Variants in FBXO38 observed in about 807,000 individuals in gnomAD.
The protein encoded by FBXO38 is F-box protein 38.
Under a neutral mutation model 131.9 loss-of-function variants are expected in FBXO38, and 53 were observed. That is an observed-to-expected ratio of 0.40 (90% CI 0.32 to 0.51). The LOEUF (loss-of-function observed/expected upper bound fraction) is 0.51, where lower values mean the gene tolerates loss of function less well. Among genes scored for constraint, FBXO38 ranks in the 20% least tolerant of loss-of-function variants. The probability of loss-of-function intolerance (pLI) is 0.53; values close to 1 mark genes in which losing one functional copy is unlikely to be tolerated. For synonymous variants in FBXO38, 452 were observed against 505.6 expected (o/e 0.89, Z 1.42); for missense variants, 1,076 against 1,475.6 (o/e 0.73, Z 4.44).
intron 1 of FBXO38, among the ~76,000 whole-genome samples, chr5:148,392,574 CTTT>C (rs1319323292): frequency 2.5e-5 from 3 of 117,736 alleles, no homozygotes; most frequent in African/African-American, 1.2e-4. Flanking sequence ...TCTTTTTTTG[CTTT>C]TCTTTGTGTG....
chr5:148,384,862 A>T (rs543609935), intron 1 of FBXO38: 13 of 152,332 alleles, frequency 8.5e-5, no homozygotes, highest in African/African-American at 3.1e-4. Flanking sequence ...AGTGTAAATC[A>T]CTACAAAGTG....
chr5:148,410,470 C>A, intron 8 of FBXO38, 165 bp from the exon 9 acceptor site: 6 of 793,384 alleles, frequency 7.6e-6, no homozygotes, highest in Non-Finnish European at 1.2e-5. Flanking sequence ...TGAGGCCTCC[C>A]CAGCCATGTG....
In FBXO38 at chr5:148,433,433, A is replaced by G; in HGVS notation, c.2663A>G (p.Lys888Arg). 5 of 1,611,740 alleles carry G rather than the reference A, an allele frequency of 3.1e-6. No homozygotes were observed. Among genetic ancestry groups the G allele is most frequent in the Non-Finnish European group, 4.2e-6 (5 of 1,179,354 alleles). The change falls in exon 16 of 22, where the codon AAA becomes AGA. Residue 888 changes from lysine to arginine, a missense_variant. By Grantham distance (26) the Lys-to-Arg change is conservative. Transcript: ENST00000340253. ...TTTTTGCCTTTTTTAGAAGTAGCCA[A>G]AACAAAGCCACGTCACGCCATGAAA... ...VLLVSESEVAKTKPRHAMKRK... is the reference protein window; with the variant it reads ...VLLVSESEVARTKPRHAMKRK...
In FBXO38 at chr5:148,414,326, A is replaced by T; in HGVS notation, c.1264+20A>T. 6.4e-7 allele frequency: 1 copy of T among 1,558,992 alleles called. No homozygotes were observed. Among genetic ancestry groups the T allele is most frequent in the Non-Finnish European group, 8.7e-7 (1 of 1,151,350 alleles). On this transcript the variant is annotated intron_variant, in intron 10 of 21. Transcript: ENST00000340253. ...TCTCAGGTATTACAGACTTAAAAAT[A>T]CAGCTATGTTTTATTGATACTGAAA...
chr5:148,427,239 C>T lies in FBXO38; in HGVS notation c.1945C>T (p.Arg649Ter), dbSNP rs865970485. 1.9e-6 allele frequency: 3 copies of T among 1,603,924 alleles called. No homozygotes were observed. Among genetic ancestry groups the T allele is most frequent in the African/African-American group, 1.3e-5 (1 of 74,322 alleles). The change falls in exon 15 of 22, where the codon CGA becomes TGA. Residue 649 changes from arginine (R) to a stop codon, truncating the protein, a stop_gained. Coordinates refer to ENST00000340253, the MANE Select transcript of FBXO38 (RefSeq NM_205836.3). LOFTEE classifies it high-confidence loss of function. ...SVSGKGKTPL[R>*]KRYNSHQMGQ... ...AAGTGGAAAAGGCAAGACTCCACTT[C>T]GAAAGAGGTACAACTCCCATCAGAT... is the stretch of plus-strand genomic sequence containing the variant.
At chr5:148,391,852 A>G (rs960354468) in intron 1 of FBXO38, among the ~76,000 whole-genome samples, 14 of 152,186 alleles carry the variant, frequency 9.2e-5, no homozygotes, top group African/African-American at 3.4e-4. Context: ...CTCAAAGGTT[A>G]CCGGTTAATA....
intron 15 of FBXO38, among the ~76,000 whole-genome samples, chr5:148,432,829 G>T (rs1326282514): frequency 2.6e-5 from 4 of 152,206 alleles, no homozygotes; most frequent in African/African-American, 9.7e-5. Flanking sequence ...AGGAACTATA[G>T]GACAGTATGT....
chr5:148,392,876 G>A (rs890864961), intron 1 of FBXO38, among the ~76,000 whole-genome samples: 1 of 152,112 alleles, frequency 6.6e-6, no homozygotes, highest in African/African-American at 2.4e-5. Context: ...AACCTTAGAG[G>A]TTTCAGGAGC....
intron 1 of FBXO38, among the ~76,000 whole-genome samples, chr5:148,393,513 T>C (rs1384103971): frequency 2.0e-5 from 3 of 152,162 alleles, no homozygotes; most frequent in African/African-American, 4.8e-5. Flanking sequence ...CTCAATTGTC[T>C]TTCCCTCAGG....
intron 3 of FBXO38, among the ~76,000 whole-genome samples, chr5:148,400,962 T>C (rs1354549888): frequency 6.6e-6 from 1 of 152,190 alleles, no homozygotes; most frequent in African/African-American, 2.4e-5. Flanking sequence ...TAATAAGAAC[T>C]GTTATTATAA....
intron 1 of FBXO38, among the ~76,000 whole-genome samples, chr5:148,386,468 G>A (rs1757919064): frequency 6.6e-6 from 1 of 152,012 alleles, no homozygotes; most frequent in South Asian, 2.1e-4. Flanking sequence ...ATTTCTGCTT[G>A]CATGAGTCTG....
rs117296315 is a variant in FBXO38 at position 148,442,275 on chromosome 5, T to C, written c.*128T>C. ...GGCTCGGTTTGCTATATAGGGAATA[T>C]ATAAGGAACATCGAAATTGTATACA... On this transcript the variant is annotated 3_prime_UTR_variant, in exon 22 of 22. Transcript: ENST00000340253. The C allele has an allele frequency of 3.1e-6, 2 of 652,702 alleles. No homozygotes were observed. The highest frequency in any genetic ancestry group is 2.7e-5 in the East Asian group (1 of 36,782). 40.4% of individuals were successfully genotyped at this position (652,702 alleles called of 1,614,324 possible).
intron 15 of FBXO38, among the ~76,000 whole-genome samples, chr5:148,428,836 C>T (rs551083361): frequency 6.6e-6 from 1 of 152,244 alleles, no homozygotes; most frequent in East Asian, 1.9e-4. Context: ...GTGCTAGTTA[C>T]CATAGTTGCA....
Position 148,402,132 on chromosome 5 carries a change from G to A in FBXO38, c.413G>A (p.Cys138Tyr), listed in dbSNP as rs949714933. The change falls in exon 4 of 22, where the codon TGC becomes TAC. Residue 138 changes from cysteine to tyrosine, a missense_variant. Around this residue, in one of 8 missense-constraint regions of FBXO38, gnomAD observed 96 missense variants for 193.9 expected, o/e 0.50. Transcript: ENST00000340253. The part of the protein sequence containing the change: ...IPGVLEALQA[C>Y]PNLVGVETSH... Reference sequence around the variant, plus strand: ...GGAGTCCTAGAAGCTTTGCAGGCATGCCCAAACTTAGTGGTGAGTGCACCT... The same window carrying A: ...GGAGTCCTAGAAGCTTTGCAGGCATACCCAAACTTAGTGGTGAGTGCACCT... 6.2e-7 allele frequency: 1 copy of A among 1,610,788 alleles called. No individual in the cohort carries two copies. Among genetic ancestry groups the A allele is most frequent in the African/African-American group, 1.3e-5 (1 of 74,812 alleles).
chr5:148,430,023 T>C (rs778355157), intron 15 of FBXO38: 4 of 151,876 alleles, frequency 2.6e-5, no homozygotes, highest in Non-Finnish European at 4.4e-5. Context: ...TATAAAAATG[T>C]CTGTTTACTT....
intron 1 of FBXO38, among the ~76,000 whole-genome samples, chr5:148,389,354 C>T (rs1758076989): frequency 6.6e-6 from 1 of 152,184 alleles, no homozygotes; most frequent in African/African-American, 2.4e-5. Flanking sequence ...CGCAGTGTTG[C>T]CACAGACCTT....
chr5:148,400,073 T>C (rs372606478), intron 3 of FBXO38, among the ~76,000 whole-genome samples: 49 of 152,046 alleles, frequency 3.2e-4, no homozygotes, highest in African/African-American at 1.1e-3. Flanking sequence ...TCAAATCAGT[T>C]GGTAACTCTT....
intron 12 of FBXO38, among the ~76,000 whole-genome samples, chr5:148,423,519 A>G (rs1214616090): frequency 6.6e-6 from 1 of 152,214 alleles, no homozygotes; most frequent in Non-Finnish European, 1.5e-5. Flanking sequence ...AAAGGTTTCT[A>G]GGCAAGGTCA....
At chr5:148,423,170 A>T (rs1277248875) in intron 12 of FBXO38, among the ~76,000 whole-genome samples, 2 of 152,132 alleles carry the variant, frequency 1.3e-5, no homozygotes, top group African/African-American at 4.8e-5. Flanking sequence ...ACCTTATTCT[A>T]TGTGTCTAAC....
Sources: gnomAD v4.1 joint callset for allele counts (sites outside exome capture counted in the v4.1 genomes callset) on GRCh38, gnomAD v4.1.1 for gene constraint, gnomAD v4.1.1 regional missense constraint, MANE v1.5 for transcripts, NCBI Gene and HGNC (gene_info 2026-07-23, HGNC 2026-07-21) for gene names.